Variants in BSCL2 observed in about 807,000 individuals in gnomAD.
BSCL2 encodes BSCL2 lipid droplet biogenesis associated, seipin, also known as seipin.
A neutral mutation model predicts 57.4 loss-of-function variants in BSCL2; 41 were observed. That is an observed-to-expected ratio of 0.71 (90% CI 0.56 to 0.93). BSCL2 has a LOEUF of 0.93. Ranked by LOEUF, BSCL2 falls within the 40% of genes least tolerant of loss-of-function variation. The pLI, the probability that BSCL2 is intolerant of heterozygous loss-of-function variation, is 0.00. For synonymous variants in BSCL2, 237 were observed against 227.3 expected (o/e 1.04, Z -0.38); for missense variants, 539 against 586.7 (o/e 0.92, Z 0.84).
upstream of BSCL2, chr11:62,708,556 A>G: frequency 7.1e-7 from 1 of 1,407,132 alleles, no homozygotes. Context: ...TCTGGGGGGG[A>G]TGAGGGAGAA....
chr11:62,690,414 G>C lies in BSCL2; in HGVS notation c.1342C>G (p.Pro448Ala). The change falls in exon 11 of 11, where the codon CCT becomes GCT. Residue 448 changes from proline (P) to alanine (A), a missense_variant. Coordinates refer to ENST00000360796, the MANE Select transcript of BSCL2 (RefSeq NM_001122955.4). ...PVLETLGSSE[P>A]AGGALRQRPT... ...CGCTGTCGGAGAGCACCCCCAGCAG[G>C]TTCAGAGCTGCCCAGAGTCTCTAGG... The C allele has an allele frequency of 1.2e-6, 2 of 1,614,152 alleles. No individual in the cohort carries two copies. The highest frequency in any genetic ancestry group is 1.7e-6 in the Non-Finnish European group (2 of 1,180,024).
chr11:62,699,430 A>C (rs1565149100), intron 3 of BSCL2, among the ~76,000 whole-genome samples: 1 of 146,452 alleles, frequency 6.8e-6, no homozygotes, highest in African/African-American at 2.5e-5. Flanking sequence ...ACTCCTGACC[A>C]TGTGATCCGC....
At chr11:62,693,118 C>T (rs566557474) in intron 4 of BSCL2, among the ~76,000 whole-genome samples, 14 of 152,140 alleles carry the variant, frequency 9.2e-5, no homozygotes, top group Non-Finnish European at 1.8e-4. Flanking sequence ...TAAGTCCCAG[C>T]GCACCATCTG....
chr11:62,703,696 A>G (rs570300070), intron 2 of BSCL2, among the ~76,000 whole-genome samples: 140 of 152,030 alleles, frequency 9.2e-4, no homozygotes, highest in Admixed American at 1.7e-3. Flanking sequence ...TCCATTTCCT[A>G]AAAGTTTAAG....
In BSCL2 at chr11:62,691,406, G is replaced by T; in HGVS notation, c.879C>A (p.Asn293Lys). The T allele has an allele frequency of 6.2e-7, 1 of 1,614,200 alleles. No homozygotes were observed. Among genetic ancestry groups the T allele is most frequent in the Non-Finnish European group, 8.5e-7 (1 of 1,180,038 alleles). The change falls in exon 7 of 11, where the codon AAC becomes AAA. Residue 293 changes from asparagine to lysine, a missense_variant. Around this residue, in one of 3 missense-constraint regions of BSCL2, gnomAD observed 248 missense variants for 239.9 expected, o/e 1.03. Coordinates refer to ENST00000360796, the MANE Select transcript of BSCL2 (RefSeq NM_001122955.4). ...CTATGAAGGCGCAGGTCATCGGGAAGTTGTATAGCAGGTATCTGAGGCAGG... is the reference window on the plus strand; with the variant it reads ...CTATGAAGGCGCAGGTCATCGGGAATTTGTATAGCAGGTATCTGAGGCAGG... ...HFTGLRYLLY[N>K]FPMTCAFIGV...
intron 1 of BSCL2, chr11:62,706,230 C>A (rs112877243): frequency 2.8e-6 from 3 of 1,076,786 alleles, no homozygotes; most frequent in Non-Finnish European, 3.4e-6. Context: ...GAAACCAGCC[C>A]GCCGGCTGCC....
chr11:62,707,035 TC>T, intron 1 of BSCL2, 73 bp downstream of exon 1: 3 of 1,295,544 alleles, frequency 2.3e-6, no homozygotes, highest in Admixed American at 2.1e-5. Flanking sequence ...AACCAATCCA[TC>T]CCCCCGCCCC....
chr11:62,695,959 G>A (rs139054379), intron 3 of BSCL2, among the ~76,000 whole-genome samples: 192 of 152,022 alleles, frequency 1.3e-3, no homozygotes, highest in African/African-American at 4.5e-3. Flanking sequence ...TGTATCACAA[G>A]GTCAGGAGTT....
In BSCL2 at chr11:62,690,312, G is replaced by A. The variant is rs913329942; in HGVS notation, c.*55C>T. The A allele has an allele frequency of 6.2e-7, 1 of 1,611,588 alleles. No individual in the cohort carries two copies. Among genetic ancestry groups the A allele is most frequent in the Non-Finnish European group, 8.5e-7 (1 of 1,178,894 alleles). On this transcript the variant is annotated 3_prime_UTR_variant, in exon 11 of 11. Transcript: ENST00000360796. ...AAATAGTTTATTGAAGGAAAAACGA[G>A]GGGAGAGGAGTCAGGTGGGAAAGTG...
intron 3 of BSCL2, among the ~76,000 whole-genome samples, chr11:62,695,183 G>A (rs527827944): frequency 2.0e-5 from 3 of 152,232 alleles, no homozygotes; most frequent in South Asian, 2.1e-4. Context: ...CCTTATCTTG[G>A]TTCTGTTGGT....
At chr11:62,695,660 G>C (rs1050729780) in intron 3 of BSCL2, among the ~76,000 whole-genome samples, 1 of 144,120 alleles carries the variant, frequency 6.9e-6, no homozygotes, top group African/African-American at 2.6e-5. Flanking sequence ...GCAGTGAGCC[G>C]AGAGCGCGCC....
At chr11:62,708,022 T>A (rs1485892021), upstream of BSCL2, 1 of 474,480 alleles carries the variant, frequency 2.1e-6, no homozygotes, top group Non-Finnish European at 3.9e-6. Context: ...GGAACACACA[T>A]GGTTTGAAGG....
chr11:62,701,829 GAAAAAAA>G (rs139041776), intron 3 of BSCL2, among the ~76,000 whole-genome samples: 6 of 121,028 alleles, frequency 5.0e-5, no homozygotes, highest in African/African-American at 1.8e-4. Context: ...AGACTGTCTG[GAAAAAAA>G]AAAAAAAAAA....
chr11:62,705,793 C>T, intron 1 of BSCL2, 176 bp from the exon 2 acceptor site: 1 of 670,630 alleles, frequency 1.5e-6, no homozygotes, highest in South Asian at 2.1e-5. Flanking sequence ...CCTTCCCTTT[C>T]CTCCACTGTG....
intron 6 of BSCL2, among the ~76,000 whole-genome samples, chr11:62,692,086 G>C (rs796613463): frequency 9.9e-5 from 15 of 151,822 alleles, no homozygotes; most frequent in African/African-American, 3.4e-4. Flanking sequence ...GCTCACTTGG[G>C]TGGAGCCCTT....
intron 3 of BSCL2, among the ~76,000 whole-genome samples, chr11:62,697,000 T>C (rs1163706221): frequency 6.6e-6 from 1 of 151,336 alleles, no homozygotes; most frequent in Non-Finnish European, 1.5e-5. Flanking sequence ...ATTGGGCCAC[T>C]GCACTCCAAC....
rs768556778 is a variant in BSCL2, at chr11:62,702,561, TGGA to T, written c.405-15_405-13del. 42 of 1,605,334 alleles carry T rather than the reference TGGA, an allele frequency of 2.6e-5. No homozygotes were observed. The African/African-American group carries it at 4.6e-4, about 17-fold the overall frequency. Reference sequence around the variant, plus strand: ...AATCACAGTCGGTCCTAAATGAGATTGGAGGAGGATACTCTGCTAAGTTAGTCT... The same window carrying T: ...AATCACAGTCGGTCCTAAATGAGATTGGAGGATACTCTGCTAAGTTAGTCT... On this transcript the variant is annotated splice_polypyrimidine_tract_variant and intron_variant, in intron 2 of 10. Transcript: ENST00000360796.
rs779498581 is a variant in BSCL2, at chr11:62,694,557, C to A, written c.630+11G>T. 2 of 1,613,796 alleles carry A rather than the reference C, an allele frequency of 1.2e-6. No individual in the cohort carries two copies. The highest frequency in any genetic ancestry group is 1.7e-6 in the Non-Finnish European group (2 of 1,179,984). On this transcript the variant is annotated intron_variant, in intron 4 of 10. Coordinates refer to ENST00000360796, the MANE Select transcript of BSCL2 (RefSeq NM_001122955.4). The stretch of plus-strand genomic sequence containing the variant: ...CCTCCACACCTTCTCAGACAGGCCA[C>A]CAACACTTACCGAACGCGAAGAAGT...
At chr11:62,709,482 G>A (rs2083597191), upstream of BSCL2, 1 of 453,880 alleles carries the variant, frequency 2.2e-6, no homozygotes, top group Non-Finnish European at 4.4e-6. Context: ...GGAGGGTGCG[G>A]GAGTGCAGTC....
Sources: allele counts gnomAD v4.1 joint callset (sites outside exome capture counted in the v4.1 genomes callset), GRCh38; gene constraint gnomAD v4.1.1; regional missense constraint gnomAD v4.1.1; transcripts MANE v1.5; gene names NCBI Gene and HGNC (gene_info 2026-07-23, HGNC 2026-07-21).